POLD1: variants seen among roughly 807,000 people sequenced by gnomAD.
The protein encoded by POLD1 is DNA polymerase delta 1, catalytic subunit.
A neutral mutation model predicts 129.7 loss-of-function variants in POLD1; 79 were observed. The observed-to-expected ratio is 0.61, with a 90% CI of 0.51 to 0.73. POLD1 has a LOEUF of 0.73. Ranked by LOEUF, POLD1 falls within the 30% of genes least tolerant of loss-of-function variation. POLD1 has a pLI of 0.00. For missense variants in POLD1, 1,338 were observed against 1,595.8 expected (o/e 0.84, Z 2.75); for synonymous variants, 714 against 683.3 (o/e 1.04, Z -0.70).
chr19:50,406,841 C>T lies in POLD1; in HGVS notation c.1495-142C>T, dbSNP rs2038903925. 5.8e-6 allele frequency: 4 copies of T among 686,070 alleles called. No individual in the cohort carries two copies. Among genetic ancestry groups the T allele is most frequent in the Non-Finnish European group, 9.9e-6 (4 of 405,790 alleles). 42.5% of individuals were successfully genotyped at this position (686,070 alleles called of 1,614,324 possible). ...ACCCTACCTCCATCCCCACCCAGAC[C>T]CTGACGACTTGGAGGGCCCTCCTGC... On this transcript the variant is annotated intron_variant, in intron 12 of 26. Coordinates refer to ENST00000440232, the MANE Select transcript of POLD1 (RefSeq NM_002691.4). This position sits in a 1 kb window ranked among gnomAD's most constrained non-coding sequence, Gnocchi z 5.5.
At chr19:50,413,639 C>T (rs1030398442) in intron 18 of POLD1, 103 bp from the exon 19 acceptor site, 47 of 1,534,842 alleles carry the variant, frequency 3.1e-5, no homozygotes, top group Non-Finnish European at 3.3e-5. Flanking sequence ...TCTCCTGTTG[C>T]ATCCTTGGGT....
At position 50,406,091 on chromosome 19, in the gene POLD1, T is replaced by C. The variant is rs1226078045; in HGVS notation, c.1243-91T>C. ...TGCTCTCGACCCCCTAGGGTTGTTA[T>C]AAGGATGTTGTGGTTGGTCTCAATC... On this transcript the variant is annotated intron_variant, in intron 10 of 26. Coordinates refer to ENST00000440232, the MANE Select transcript of POLD1 (RefSeq NM_002691.4). This position sits in a 1 kb window ranked among gnomAD's most constrained non-coding sequence, Gnocchi z 5.5. 12 of 1,492,170 alleles carry C rather than the reference T, an allele frequency of 8.0e-6. No homozygotes were observed. Among genetic ancestry groups the C allele is most frequent in the South Asian group, 2.5e-5 (2 of 80,770 alleles). The allele number at this position is 1,492,170 out of a possible 1,614,324, so 92.4% of individuals were successfully genotyped here. A position where few individuals can be genotyped will look rare whatever the true frequency, so the allele number is the denominator to read the frequency against.
At chr19:50,416,229 G>A (rs2039282798) in intron 22 of POLD1, 167 bp from the exon 23 acceptor site, 1 of 655,168 alleles carries the variant, frequency 1.5e-6, no homozygotes. Context: ...TACAGACTCT[G>A]TGGCCCAGAG....
chr19:50,400,180 G>T (rs1429361770), intron 3 of POLD1, among the ~76,000 whole-genome samples: 4 of 36,520 alleles, frequency 1.1e-4, no homozygotes, highest in South Asian at 8.6e-4. Flanking sequence ...ATTTTCCTCT[G>T]TTGCCCAGGC....
At chr19:50,417,671 T>TCCCCCCCCCCCCC (rs3840923) in intron 26 of POLD1, among the ~76,000 whole-genome samples, 171 bp from the exon 27 acceptor site, 170 of 110,516 alleles carry the variant, frequency 1.5e-3, no homozygotes, top group Middle Eastern at 5.7e-3. Flanking sequence ...TGTTATCGGC[T>TCCCCCCCCCCCCC]CCCCCCCCCC....
intron 3 of POLD1, among the ~76,000 whole-genome samples, chr19:50,399,761 C>G (rs2038515180): frequency 6.6e-6 from 1 of 152,228 alleles, no homozygotes; most frequent in South Asian, 2.1e-4. Context: ...GCAGCCTGTG[C>G]AAGGACCTCT....
Position 50,402,542 on chromosome 19 carries a change from G to C in POLD1, c.840+7G>C, listed in dbSNP as rs1568620997. The C allele has an allele frequency of 6.3e-7, 1 of 1,588,512 alleles. No individual in the cohort carries two copies. The highest frequency in any genetic ancestry group is 8.6e-7 in the Non-Finnish European group (1 of 1,167,742). The stretch of plus-strand genomic sequence containing the variant: ...CCTGAGGCTGAAGGAGAAGGTGCAG[G>C]GCTTCCCAGGGCAGGGCTGGGTGGG... On this transcript the variant is annotated splice_region_variant and intron_variant, in intron 7 of 26. Coordinates refer to ENST00000440232, the MANE Select transcript of POLD1 (RefSeq NM_002691.4).
intron 1 of POLD1, among the ~76,000 whole-genome samples, chr19:50,397,426 A>G (rs1887991311): frequency 7.0e-6 from 1 of 142,448 alleles, no homozygotes. Flanking sequence ...TTTTTCTGAG[A>G]CGGAGTCTTG....
chr19:50,391,861 C>T (rs1374601427), intron 1 of POLD1, among the ~76,000 whole-genome samples: 2 of 151,948 alleles, frequency 1.3e-5, no homozygotes, highest in African/African-American at 2.4e-5. Flanking sequence ...TATAGGCGCC[C>T]GCCACCATGA....
In POLD1 at chr19:50,402,593, G is replaced by A. The variant is rs2122254217; in HGVS notation, c.841-19G>A. The A allele has an allele frequency of 6.4e-7, 1 of 1,571,296 alleles. No homozygotes were observed. The highest frequency in any genetic ancestry group is 1.2e-5 in the South Asian group (1 of 86,378). On this transcript the variant is annotated intron_variant, in intron 7 of 26. Coordinates refer to ENST00000440232, the MANE Select transcript of POLD1 (RefSeq NM_002691.4). ...GAGCTGGTACCCTGCTGCCACCGCTGACCCACCCATGCCCACAGGCTACGC... is the reference window on the plus strand; with the variant it reads ...GAGCTGGTACCCTGCTGCCACCGCTAACCCACCCATGCCCACAGGCTACGC...
intron 2 of POLD1, 34 bp from the exon 3 acceptor site, chr19:50,399,337 C>T: frequency 6.6e-7 from 1 of 1,515,434 alleles, no homozygotes; most frequent in South Asian, 1.1e-5. Flanking sequence ...GACCATGACT[C>T]CATGTACTCC....
In POLD1 at chr19:50,407,026, T is replaced by C. The variant is rs1186488048; in HGVS notation, c.1538T>C (p.Leu513Pro). The part of the protein sequence containing the change: ...QTRRRLAVYC[L>P]KDAYLPLRLL... ...CGCCGCCGCCTGGCTGTGTACTGCC[T>C]GAAGGATGCCTACCTGCCACTGCGG... is the stretch of plus-strand genomic sequence containing the variant. Residue 513 changes from leucine to proline, a missense_variant, in exon 13 of 27, where the codon CTG (leucine) becomes CCG (proline). Physicochemically the swap from Leu to Pro is moderately conservative, Grantham distance 98. This residue lies in a region of POLD1 where 720 missense variants were observed against 1,002.6 expected (regional missense o/e 0.72). Transcript: ENST00000440232. 6.2e-7 allele frequency: 1 copy of C among 1,611,340 alleles called. No individual in the cohort carries two copies. The highest frequency in any genetic ancestry group is 8.5e-7 in the Non-Finnish European group (1 of 1,178,884).
chr19:50,394,354 C>CA (rs1351600767), intron 1 of POLD1, among the ~76,000 whole-genome samples: 1 of 151,994 alleles, frequency 6.6e-6, no homozygotes, highest in African/African-American at 2.4e-5. Context: ...TGTTCTATTG[C>CA]AAAAAAGCAA....
chr19:50,408,207 C>T (rs963474180), intron 14 of POLD1, among the ~76,000 whole-genome samples: 10 of 151,084 alleles, frequency 6.6e-5, no homozygotes, highest in South Asian at 4.2e-4. Context: ...TGGTGGCGGG[C>T]GCCTGCAGTG....
intron 1 of POLD1, among the ~76,000 whole-genome samples, chr19:50,397,134 C>T (rs1366172543): frequency 2.4e-4 from 34 of 141,686 alleles, no homozygotes; most frequent in Middle Eastern, 5.0e-3. Flanking sequence ...CTTGGTGGCT[C>T]ACGCCTGAAA....
Position 50,395,377 on chromosome 19 carries a change from C to T in POLD1, c.-1-3474C>T, listed in dbSNP as rs1036682847. ...TCGGGAGGCCGAGGCGGGCGGATCACGAGGTCAGGAGATTGAGACCACAGT... is the reference window on the plus strand; with the variant it reads ...TCGGGAGGCCGAGGCGGGCGGATCATGAGGTCAGGAGATTGAGACCACAGT... On this transcript the variant is annotated intron_variant, in intron 1 of 26. Transcript: ENST00000440232. Among the ~76,000 whole-genome samples the T allele has an allele frequency of 5.9e-5, 9 of 151,824 alleles. No homozygotes were observed. The South Asian group carries it at 6.2e-4, about 11-fold the overall frequency.
chr19:50,401,888 G>A lies in POLD1; in HGVS notation c.427G>A (p.Gly143Ser), dbSNP rs377088357. The A allele has an allele frequency of 2.0e-5, 32 of 1,613,882 alleles. No homozygotes were observed. The highest frequency in any genetic ancestry group is 2.5e-5 in the Non-Finnish European group (29 of 1,179,966). ...EGFSVCCHIHGFAPYFYTPAP... is the reference protein window; with the variant it reads ...EGFSVCCHIHSFAPYFYTPAP... ...GTTCTCTGTCTGCTGCCACATCCAC[G>A]GCTTCGCTCCCTACTTCTACACCCC... Residue 143 changes from glycine to serine, a missense_variant, in exon 4 of 27, where the codon GGC becomes AGC. Around this residue, in one of 3 missense-constraint regions of POLD1, gnomAD observed 332 missense variants for 315.7 expected, o/e 1.05. Transcript: ENST00000440232.
In POLD1 at chr19:50,406,253, C is replaced by G. The variant is rs2122318777; in HGVS notation, c.1314C>G (p.Ser438=). 6.2e-7 allele frequency: 1 copy of G among 1,613,994 alleles called. No individual in the cohort carries two copies. ...ACATCCGGGACTCTTCATTCCAGTC[C>G]AAGCAGACGGGCCGGCGGGACACCA... ...CSNIRDSSFQ[S]KQTGRRDTKV... is the part of the protein sequence containing the mutation. The change falls in exon 11 of 27, where the codon TCC becomes TCG. Residue 438 remains serine, a synonymous_variant. Coordinates refer to ENST00000440232, the MANE Select transcript of POLD1 (RefSeq NM_002691.4). The surrounding 1 kb of genome is among the most constrained non-coding windows in gnomAD (Gnocchi z 5.5).
rs2122324669 is a variant in POLD1 at position 50,406,383 on chromosome 19, C to A, written c.1384-24C>A. On this transcript the variant is annotated intron_variant, in intron 11 of 26. Coordinates refer to ENST00000440232, the MANE Select transcript of POLD1 (RefSeq NM_002691.4). The surrounding 1 kb of genome is among the most constrained non-coding windows in gnomAD (Gnocchi z 5.5). Reference sequence around the variant, plus strand: ...GAAGGCCACTGCCCAGGCCCGCAGCCCACCAGCCCACCCACCCACCTAGGT... The same window carrying A: ...GAAGGCCACTGCCCAGGCCCGCAGCACACCAGCCCACCCACCCACCTAGGT... 2 of 1,608,068 alleles carry A rather than the reference C, an allele frequency of 1.2e-6. No homozygotes were observed. Among genetic ancestry groups the A allele is most frequent in the African/African-American group, 1.3e-5 (1 of 74,898 alleles).
Sources: allele counts gnomAD v4.1 joint callset (sites outside exome capture counted in the v4.1 genomes callset), GRCh38; gene constraint gnomAD v4.1.1; regional missense constraint gnomAD v4.1.1; non-coding constraint Gnocchi (gnomAD v3.1); transcripts MANE v1.5; gene names NCBI Gene and HGNC (gene_info 2026-07-23, HGNC 2026-07-21).